The following NELL2 variants were observed in gnomAD, a reference collection of about 807,000 sequenced individuals.
NELL2 encodes protein kinase C-binding protein NELL2.
A neutral mutation model predicts 109.6 loss-of-function variants in NELL2; 41 were observed. The observed-to-expected ratio is 0.37, with a 90% CI of 0.29 to 0.49. The LOEUF (loss-of-function observed/expected upper bound fraction) is 0.49. Among genes scored for constraint, NELL2 ranks in the 20% least tolerant of loss-of-function variants. NELL2 has a pLI of 0.98. For synonymous variants in NELL2, 355 were observed against 344.7 expected (o/e 1.03, Z -0.33); for missense variants, 900 against 1,008.3 (o/e 0.89, Z 1.45).
At chr12:44,738,080 G>A (rs917012383) in intron 9 of NELL2, among the ~76,000 whole-genome samples, 1 of 152,144 alleles carries the variant, frequency 6.6e-6, no homozygotes, top group Non-Finnish European at 1.5e-5. Flanking sequence ...AATAAAGGAA[G>A]TTTTCTCTGC....
At chr12:44,666,319 T>C (rs918535087) in intron 12 of NELL2, among the ~76,000 whole-genome samples, 2 of 152,194 alleles carry the variant, frequency 1.3e-5, no homozygotes, top group Admixed American at 6.5e-5. Flanking sequence ...AATTTTCACA[T>C]TCACATTTCA....
chr12:44,718,363 T>C (rs372438609), intron 9 of NELL2, among the ~76,000 whole-genome samples: 29 of 152,330 alleles, frequency 1.9e-4, no homozygotes, highest in African/African-American at 5.1e-4. Flanking sequence ...CTCTCCCCAG[T>C]AGAGTATAAA....
At chr12:44,761,396 T>A (rs10880676) in intron 9 of NELL2, among the ~76,000 whole-genome samples, 107,466 of 152,082 alleles carry the variant, frequency 0.71, 38,193 homozygotes, top group Non-Finnish European at 0.74. Flanking sequence ...CAAACAAAAT[T>A]AAAAAACAAG....
chr12:44,569,095 C>CTACGTGTCAAA (rs1943766097), intron 15 of NELL2, among the ~76,000 whole-genome samples: 1 of 152,080 alleles, frequency 6.6e-6, no homozygotes, highest in Non-Finnish European at 1.5e-5. Context: ...AATGTCTTCT[C>CTACGTGTCAAA]ATCATTTAGC....
intron 13 of NELL2, among the ~76,000 whole-genome samples, chr12:44,640,298 G>A (rs774235986): frequency 1.3e-5 from 2 of 152,070 alleles, no homozygotes; most frequent in Admixed American, 6.6e-5. Flanking sequence ...AACCCCACAA[G>A]GTAGATGCTA....
rs1944000268 is a variant in NELL2 at position 44,834,783 on chromosome 12, C to T, written c.185-18647G>A. ...GGTCTTCTCCCACACACACAACCTC[C>T]CCTGGCTAGACCCAGTCAGGGCAGG... is the stretch of plus-strand genomic sequence containing the variant. On this transcript the variant is annotated intron_variant, in intron 2 of 19. Coordinates refer to ENST00000429094, the MANE Select transcript of NELL2 (RefSeq NM_001145108.2). 3.3e-5 allele frequency among the ~76,000 whole-genome samples: 5 copies of T among 152,198 alleles called. No individual in the cohort carries two copies. In the South Asian group the frequency reaches 1.0e-3, roughly 31 times the overall value.
chr12:44,793,885 G>C (rs1207560642), intron 3 of NELL2, among the ~76,000 whole-genome samples: 2 of 152,112 alleles, frequency 1.3e-5, no homozygotes. Context: ...AAAATCGTAT[G>C]AATACAGGAA....
At chr12:44,697,838 G>T (rs1025451403) in intron 12 of NELL2, among the ~76,000 whole-genome samples, 3 of 152,180 alleles carry the variant, frequency 2.0e-5, no homozygotes, top group Non-Finnish European at 4.4e-5. Flanking sequence ...CACAAACTGG[G>T]TGTCTTGCAC....
At position 44,734,787 on chromosome 12, in the gene NELL2, T is replaced by C. The variant is rs186589491; in HGVS notation, c.995-20046A>G. ...ACATTTTCTAAATTCTGTAAGATTATGAGGATAATGGTAATTATATCTTAT... is the reference window on the plus strand; with the variant it reads ...ACATTTTCTAAATTCTGTAAGATTACGAGGATAATGGTAATTATATCTTAT... On this transcript the variant is annotated intron_variant, in intron 9 of 19. Transcript: ENST00000429094. 8.8e-4 allele frequency among the ~76,000 whole-genome samples: 134 copies of C among 152,184 alleles called. 1 individual carries two copies. Among genetic ancestry groups the C allele is most frequent in the South Asian group, 8.3e-4 (4 of 4,826 alleles).
At chr12:44,627,836 C>A (rs1946320039) in intron 13 of NELL2, among the ~76,000 whole-genome samples, 1 of 152,164 alleles carries the variant, frequency 6.6e-6, no homozygotes, top group Non-Finnish European at 1.5e-5. Context: ...TTCAAGAACA[C>A]CAATATGTTA....
chr12:44,534,987 G>A (rs1457606152), intron 15 of NELL2, among the ~76,000 whole-genome samples: 2 of 151,460 alleles, frequency 1.3e-5, no homozygotes, highest in African/African-American at 4.9e-5. Context: ...TCCTTTACCG[G>A]GCCCACTCCT....
intron 3 of NELL2, among the ~76,000 whole-genome samples, chr12:44,798,756 T>C (rs1265041390): frequency 6.6e-6 from 1 of 152,032 alleles, no homozygotes; most frequent in Admixed American, 6.6e-5. Context: ...TGTGTAACAA[T>C]GGCACATGAA....
At chr12:44,874,898 A>G (rs905594531) in intron 2 of NELL2, 9 of 214,074 alleles carry the variant, frequency 4.2e-5, no homozygotes, top group Admixed American at 2.1e-4. Flanking sequence ...ACCTAAATCA[A>G]TTTCACCCAA....
Position 44,714,675 on chromosome 12 carries a change from C to A in NELL2, c.1061G>T (p.Gly354Val). The part of the protein sequence containing the change: ...GERNTVYSSS[G>V]VCVLYECKDQ... ...CTTGCACTCATAGAGAACACATACT[C>A]CAGAAGAGGAATAGACTGTATTTCT... The change falls in exon 10 of 20, where the codon GGA becomes GTA. Residue 354 changes from glycine to valine, a missense_variant. By Grantham distance (109) the Gly-to-Val change is moderately radical (BLOSUM62 -3). Around this residue, in one of 4 missense-constraint regions of NELL2, gnomAD observed 292 missense variants for 265.3 expected, o/e 1.10. Coordinates refer to ENST00000429094, the MANE Select transcript of NELL2 (RefSeq NM_001145108.2). The A allele has an allele frequency of 6.2e-7, 1 of 1,600,398 alleles. No individual in the cohort carries two copies.
intron 3 of NELL2, among the ~76,000 whole-genome samples, chr12:44,814,663 T>G (rs2136681717): frequency 6.6e-6 from 1 of 152,316 alleles, no homozygotes; most frequent in Non-Finnish European, 1.5e-5. Flanking sequence ...GAAACCCAAG[T>G]GAAGGGCCTG....
intron 10 of NELL2, among the ~76,000 whole-genome samples, chr12:44,712,307 G>A (rs192010032): frequency 6.6e-6 from 1 of 152,000 alleles, no homozygotes; most frequent in African/African-American, 2.4e-5. Context: ...CCTTTTCCTG[G>A]CTCATTTATG....
chr12:44,532,682 C>T lies in NELL2; in HGVS notation c.1703G>A (p.Ser568Asn). Reference protein sequence around the residue: ...ECSDGFVQCDSRANCINLPGW... With the variant: ...ECSDGFVQCDNRANCINLPGW... The stretch of plus-strand genomic sequence containing the variant: ...AGGCAGGTTAATGCAATTAGCACGA[C>T]TGTCACATTGAACAAAACCATCAGA... Residue 568 changes from serine to asparagine, a missense_variant, in exon 16 of 20, where the codon AGT becomes AAT. By Grantham distance (46) the Ser-to-Asn change is conservative (BLOSUM62 1). Around this residue, in one of 4 missense-constraint regions of NELL2, gnomAD observed 333 missense variants for 432.3 expected, o/e 0.77. Transcript: ENST00000429094. The T allele has an allele frequency of 6.2e-7, 1 of 1,613,500 alleles. No individual in the cohort carries two copies. The highest frequency in any genetic ancestry group is 8.5e-7 in the Non-Finnish European group (1 of 1,179,604).
At chr12:44,913,684 G>GA (rs1436139948) in intron 1 of NELL2, 1 of 452,254 alleles carries the variant, frequency 2.2e-6, no homozygotes, top group Non-Finnish European at 4.0e-6. Flanking sequence ...AAAACAATAT[G>GA]ATTCACATCA....
upstream of NELL2, among the ~76,000 whole-genome samples, chr12:44,917,120 T>A (rs1434373971): frequency 1.3e-5 from 2 of 152,140 alleles, no homozygotes; most frequent in African/African-American, 4.8e-5. Context: ...ACTCCCCAAG[T>A]GATTCTAATG....
Sources: gnomAD v4.1 joint callset for allele counts (sites outside exome capture counted in the v4.1 genomes callset) on GRCh38, gnomAD v4.1.1 for gene constraint, gnomAD v4.1.1 regional missense constraint, MANE v1.5 for transcripts, NCBI Gene and HGNC (gene_info 2026-07-23, HGNC 2026-07-21) for gene names.